Variants in LCT observed in about 807,000 individuals in gnomAD.
LCT encodes lactase/phlorizin hydrolase.
A neutral mutation model predicts 173.0 loss-of-function variants in LCT; 90 were observed. The ratio of observed to expected loss-of-function variants is 0.52; its 90% CI spans 0.44 to 0.62. The LOEUF (loss-of-function observed/expected upper bound fraction) is 0.62, where lower values mean the gene tolerates loss of function less well. Ranked by LOEUF, LCT falls within the 20% of genes least tolerant of loss-of-function variation. LCT has a pLI of 0.00. For missense variants in LCT, 1,864 were observed against 2,431.4 expected, an observed-to-expected ratio of 0.77 and a Z score of 4.91; for synonymous variants, 853 against 957.6, an observed-to-expected ratio of 0.89 and a Z score of 2.02.
At position 135,812,480 on chromosome 2, in the gene LCT, C is replaced by T. The variant is rs907404738; in HGVS notation, c.2184G>A (p.Val728=). The T allele has an allele frequency of 1.2e-6, 2 of 1,614,262 alleles. No individual in the cohort carries two copies. The highest frequency in any genetic ancestry group is 1.7e-6 in the Non-Finnish European group (2 of 1,180,046). The part of the protein sequence containing the change: ...PQTSSSWIRV[V]PWGIRRLLQF... ...GCAACAGCCTCCTTATCCCCCAGGGCACCACACGAATCCAAGAGGATGAGG... is the reference window on the plus strand; with the variant it reads ...GCAACAGCCTCCTTATCCCCCAGGGTACCACACGAATCCAAGAGGATGAGG... The change falls in exon 7 of 17, where the codon GTG becomes GTA. Residue 728 remains valine (V), a synonymous_variant. Coordinates refer to ENST00000264162, the MANE Select transcript of LCT (RefSeq NM_002299.4).
chr2:135,795,498 C>T (rs2077574361), intron 13 of LCT, among the ~76,000 whole-genome samples: 1 of 151,926 alleles, frequency 6.6e-6, no homozygotes, highest in African/African-American at 2.4e-5. Flanking sequence ...CATGAGCCAC[C>T]ACACCCGGCC....
At chr2:135,813,448 C>CA (rs2077752418) in intron 6 of LCT, among the ~76,000 whole-genome samples, 1 of 152,194 alleles carries the variant, frequency 6.6e-6, no homozygotes, top group African/African-American at 2.4e-5. Flanking sequence ...TCAAAATTGT[C>CA]AACAAAATAA....
intron 4 of LCT, 58 bp from the exon 5 acceptor site, chr2:135,822,156 C>T (rs1196670092): frequency 9.8e-7 from 1 of 1,022,636 alleles, no homozygotes; most frequent in Non-Finnish European, 1.6e-6. Flanking sequence ...ACATGCAAGT[C>T]TGAAATCAAC....
At chr2:135,825,472 G>A (rs1393396176) in intron 3 of LCT, among the ~76,000 whole-genome samples, 2 of 152,214 alleles carry the variant, frequency 1.3e-5, no homozygotes, top group Non-Finnish European at 2.9e-5. Context: ...CCTGAAAGAC[G>A]GATATGCCAT....
chr2:135,808,604 G>A lies in LCT; in HGVS notation c.3743C>T (p.Ala1248Val), dbSNP rs1249978300. The A allele has an allele frequency of 6.2e-7, 1 of 1,614,254 alleles. No homozygotes were observed. The highest frequency in any genetic ancestry group is 1.1e-5 in the South Asian group (1 of 91,084). ...PSWPSTAMNR[A>V]APWGTRRLLN... ...CAGCCTTCGCGTCCCCCAGGGCGCA[G>A]CTCTGTTCATTGCCGTGGAAGGCCA... The change falls in exon 8 of 17, where the codon GCT becomes GTT. Residue 1248 changes from alanine (A) to valine (V), a missense_variant. Ala to Val is a moderately conservative substitution (Grantham distance 64, BLOSUM62 0). Coordinates refer to ENST00000264162, the MANE Select transcript of LCT (RefSeq NM_002299.4).
chr2:135,812,174 C>T (rs755411056), intron 7 of LCT, 137 bp downstream of exon 7: 48 of 769,622 alleles, frequency 6.2e-5, no homozygotes, highest in Middle Eastern at 3.6e-4. Context: ...AGGGAGCTGA[C>T]GTGAAGGACT....
chr2:135,812,320 C>G lies in LCT; in HGVS notation c.2344G>C (p.Val782Leu). 6.2e-7 allele frequency: 1 copy of G among 1,613,410 alleles called. No individual in the cohort carries two copies. The highest frequency in any genetic ancestry group is 8.5e-7 in the Non-Finnish European group (1 of 1,179,292). ...CATCCATTGTTCTTACCCTTGAGCACCTCATTGATATATTGATTGAAGTAG... is the reference window on the plus strand; with the variant it reads ...CATCCATTGTTCTTACCCTTGAGCAGCTCATTGATATATTGATTGAAGTAG... ...VDYFNQYINEVLKAIKEDSVD... is the reference protein window; with the variant it reads ...VDYFNQYINELLKAIKEDSVD... The change falls in exon 7 of 17, where the codon GTG (valine) becomes CTG (leucine). Residue 782 changes from valine to leucine, a missense_variant. Physicochemically the swap from Val to Leu is conservative, Grantham distance 32. Transcript: ENST00000264162.
intron 1 of LCT, among the ~76,000 whole-genome samples, chr2:135,835,994 A>ATATATATG (rs1679345413): frequency 3.3e-5 from 1 of 30,422 alleles, no homozygotes; most frequent in African/African-American, 6.4e-5. Flanking sequence ...ATATATATAT[A>ATATATATG]TATATATATA....
chr2:135,817,807 C>A lies in LCT; in HGVS notation c.1241G>T (p.Arg414Leu). ...GGRGVSIWDP[R>L]RPLNTTEGQA... The stretch of plus-strand genomic sequence containing the variant: ...GCCCTCAGTGGTGTTCAGGGGCCTG[C>A]GTGGATCCCAGATGCTCACCCCTCT... The change falls in exon 6 of 17, where the codon CGC (arginine) becomes CTC (leucine). Residue 414 changes from arginine (R) to leucine (L), a missense_variant. Coordinates refer to ENST00000264162, the MANE Select transcript of LCT (RefSeq NM_002299.4). 6.2e-7 allele frequency: 1 copy of A among 1,614,006 alleles called. No individual in the cohort carries two copies. Among genetic ancestry groups the A allele is most frequent in the Non-Finnish European group, 8.5e-7 (1 of 1,180,024 alleles).
intron 3 of LCT, among the ~76,000 whole-genome samples, chr2:135,828,155 G>A (rs577589835): frequency 6.6e-6 from 1 of 152,302 alleles, no homozygotes; most frequent in Admixed American, 6.5e-5. Context: ...CTCCCAAGTA[G>A]CTGAGACTAC....
Position 135,836,653 on chromosome 2 carries a change from T to C in LCT, c.517A>G (p.Ser173Gly), listed in dbSNP as rs766146011. The change falls in exon 1 of 17, where the codon AGT (serine) becomes GGT (glycine). Residue 173 changes from serine to glycine, a missense_variant. Physicochemically the swap from Ser to Gly is moderately conservative, Grantham distance 56. Coordinates refer to ENST00000264162, the MANE Select transcript of LCT (RefSeq NM_002299.4). ...TCCTTGATCACTTCCTCCAAGTCAC[T>C]GAAGGTGAACCAGATCCCAACTAGG... is the stretch of plus-strand genomic sequence containing the variant. ...GDLVGIWFTFSDLEEVIKELP... is the reference protein window; with the variant it reads ...GDLVGIWFTFGDLEEVIKELP... The C allele has an allele frequency of 8.7e-6, 14 of 1,614,152 alleles. No homozygotes were observed. Among genetic ancestry groups the C allele is most frequent in the Non-Finnish European group, 1.2e-5 (14 of 1,180,022 alleles).
In LCT at chr2:135,837,006, A is replaced by T; in HGVS notation, c.164T>A (p.Val55Glu). ...AACATACATGTCTTTGTCCCCTGCT[A>T]CAAAGTTAGAACTCTGGTCTCCCAG... ...GLLGDQSSNF[V>E]AGDKDMYVCH... The change falls in exon 1 of 17, where the codon GTA becomes GAA. Residue 55 changes from valine to glutamate, a missense_variant. By Grantham distance (121) the Val-to-Glu change is moderately radical. This residue lies in a region of LCT where 412 missense variants were observed against 462.0 expected (regional missense o/e 0.89). Transcript: ENST00000264162. The T allele has an allele frequency of 6.2e-7, 1 of 1,614,116 alleles. No individual in the cohort carries two copies. Among genetic ancestry groups the T allele is most frequent in the Non-Finnish European group, 8.5e-7 (1 of 1,180,008 alleles).
rs763841172 is a variant in LCT, at chr2:135,790,637, G to A, written c.5335+21C>T. On this transcript the variant is annotated intron_variant, in intron 15 of 16. Coordinates refer to ENST00000264162, the MANE Select transcript of LCT (RefSeq NM_002299.4). The surrounding 1 kb of genome is among the most constrained non-coding windows in gnomAD (Gnocchi z 4.1). ...TCCAACAGGGGAAGGTGCACGCTGG[G>A]GAAGGGCGGGCCCGTCGTACCTTTG... is the stretch of plus-strand genomic sequence containing the variant. The A allele has an allele frequency of 2.7e-6, 4 of 1,499,562 alleles. No individual in the cohort carries two copies. In the East Asian group the frequency reaches 9.0e-5, roughly 34 times the overall value. 92.9% of individuals were successfully genotyped at this position (1,499,562 alleles called of 1,614,324 possible).
intron 7 of LCT, among the ~76,000 whole-genome samples, chr2:135,810,456 ATCC>A (rs2077725522): frequency 6.6e-6 from 1 of 152,208 alleles, no homozygotes; most frequent in Non-Finnish European, 1.5e-5. Flanking sequence ...AATCCACAAG[ATCC>A]TCACAAAACA....
At position 135,809,115 on chromosome 2, in the gene LCT, C is replaced by T. The variant is rs770200258; in HGVS notation, c.3232G>A (p.Glu1078Lys). Residue 1078 changes from glutamate to lysine, a missense_variant, in exon 8 of 17, where the codon GAA becomes AAA. By Grantham distance (56) the Glu-to-Lys change is moderately conservative. This residue lies in a region of LCT where 755 missense variants were observed against 926.3 expected (regional missense o/e 0.82). Transcript: ENST00000264162. The surrounding 1 kb of genome is among the most constrained non-coding windows in gnomAD (Gnocchi z 5.5). ...GGGTCCTTCACCCCTGGGGGAAATT[C>T]CCCTGAGCCATAACCTAGCCATGCC... ...YLAWLGYGSG[E>K]FPPGVKDPGW... 1 of 1,614,162 alleles carries T rather than the reference C, an allele frequency of 6.2e-7. No homozygotes were observed. The highest frequency in any genetic ancestry group is 1.1e-5 in the South Asian group (1 of 91,088).
At chr2:135,811,747 G>A (rs75048976) in intron 7 of LCT, among the ~76,000 whole-genome samples, 3,537 of 150,918 alleles carry the variant, frequency 0.023, 163 homozygotes, top group African/African-American at 0.082. Flanking sequence ...GACTGCATAG[G>A]ACTCAGATGG....
intron 13 of LCT, among the ~76,000 whole-genome samples, chr2:135,795,611 TAA>T (rs1491160793): frequency 3.9e-4 from 58 of 149,010 alleles, no homozygotes; most frequent in East Asian, 1.8e-3. Context: ...ACTCTAATAA[TAA>T]TAATAATAAT....
intron 16 of LCT, among the ~76,000 whole-genome samples, chr2:135,788,899 CAT>C (rs1559547213): frequency 1.3e-5 from 2 of 152,086 alleles, no homozygotes; most frequent in African/African-American, 2.4e-5. Context: ...ATATGAAATT[CAT>C]ATATGTTTTA....
chr2:135,804,198 A>G, intron 10 of LCT, 70 bp from the exon 11 acceptor site: 1 of 1,169,390 alleles, frequency 8.6e-7, no homozygotes, highest in Non-Finnish European at 1.3e-6. Flanking sequence ...TAGATGTGCC[A>G]GCATCAACGT....
Sources: allele counts gnomAD v4.1 joint callset (sites outside exome capture counted in the v4.1 genomes callset), GRCh38; gene constraint gnomAD v4.1.1; regional missense constraint gnomAD v4.1.1; non-coding constraint Gnocchi (gnomAD v3.1); transcripts MANE v1.5; gene names NCBI Gene and HGNC (gene_info 2026-07-23, HGNC 2026-07-21).